The following MYO1H variants were observed in gnomAD, a reference collection of about 807,000 sequenced individuals.
MYO1H encodes the protein myosin IH.
In MYO1H, 118 loss-of-function variants were observed where a neutral mutation model predicts 149.3. The observed-to-expected ratio is 0.79, with a 90% CI of 0.68 to 0.92. The LOEUF (loss-of-function observed/expected upper bound fraction) is 0.92, where lower values mean the gene tolerates loss of function less well. Ranked by LOEUF, MYO1H falls within the 40% of genes least tolerant of loss-of-function variation. The pLI is 0.00. For synonymous variants in MYO1H, 447 were observed against 465.2 expected (o/e 0.96, Z 0.50); for missense variants, 1,212 against 1,280.7 (o/e 0.95, Z 0.82).
rs796178812 is a variant in MYO1H at position 109,413,727 on chromosome 12, T to C, written c.1502+1742T>C. On this transcript the variant is annotated intron_variant, in intron 14 of 31. Transcript: ENST00000310903. ...GAGTTCAAGACCAGCCTGACCAACA[T>C]GGTGAAACCCTGTCTCTACTAAAAA... 1.5e-4 allele frequency among the ~76,000 whole-genome samples: 23 copies of C among 152,198 alleles called. 1 individual carries two copies. Among genetic ancestry groups the C allele is most frequent in the African/African-American group, 5.5e-4 (23 of 41,528 alleles).
chr12:109,441,545 G>T, intron 25 of MYO1H, 70 bp from the exon 26 acceptor site: 2 of 982,600 alleles, frequency 2.0e-6, no homozygotes, highest in Non-Finnish European at 3.1e-6. Context: ...GACCTCAATG[G>T]GTCTAGAGCT....
chr12:109,435,573 T>G (rs1871825361), intron 21 of MYO1H, among the ~76,000 whole-genome samples: 1 of 152,154 alleles, frequency 6.6e-6, no homozygotes, highest in Non-Finnish European at 1.5e-5. Context: ...GAGCGTCTCT[T>G]TTGAAATGTA....
At chr12:109,411,905 C>T (rs1447327115) in exon 14 of MYO1H, 2 of 1,603,438 alleles carry the variant, frequency 1.2e-6, no homozygotes, top group Non-Finnish European at 1.7e-6. Flanking sequence ...ATGAAGAATG[C>T]ATTCGGCCTG....
chr12:109,431,451 C>T (rs1269435328), intron 19 of MYO1H, among the ~76,000 whole-genome samples: 2 of 152,174 alleles, frequency 1.3e-5, no homozygotes, highest in African/African-American at 4.8e-5. Flanking sequence ...ACTGCTAGCA[C>T]TCATTGAGTC....
intron 1 of MYO1H, among the ~76,000 whole-genome samples, chr12:109,360,130 A>G (rs1464965306): frequency 7.9e-6 from 1 of 126,542 alleles, no homozygotes; most frequent in South Asian, 2.5e-4. Flanking sequence ...TTTTTTTTTT[A>G]TTTCCTGGAT....
the MYO1H span, among the ~76,000 whole-genome samples, chr12:109,318,972 G>GTTTTTTTTTTTTTTTTTTTTTTTTT: frequency 3.2e-4 from 25 of 77,258 alleles, no homozygotes; most frequent in East Asian, 1.0e-3. Flanking sequence ...TTTTGGTTTT[G>GTTTTTTTTTTTTTTTTTTTTTTTTT]TTTTTTTTTT....
At chr12:109,419,888 A>T (rs1332112432) in intron 15 of MYO1H, among the ~76,000 whole-genome samples, 1 of 146,736 alleles carries the variant, frequency 6.8e-6, no homozygotes, top group Non-Finnish European at 1.5e-5. Flanking sequence ...AAAAAAAAAA[A>T]AATCTGGTTT....
chr12:109,397,099 A>G (rs1263336660), intron 4 of MYO1H, among the ~76,000 whole-genome samples: 2 of 151,996 alleles, frequency 1.3e-5, no homozygotes, highest in Non-Finnish European at 2.9e-5. Context: ...AAAGTGCTGT[A>G]ATTACAGGCG....
chr12:109,384,035 T>C (rs1036489045), intron 1 of MYO1H, among the ~76,000 whole-genome samples: 1 of 152,144 alleles, frequency 6.6e-6, no homozygotes, highest in African/African-American at 2.4e-5. Context: ...CCTGCAAGGG[T>C]AAATTGTACG....
At chr12:109,349,487 A>G (rs1488937560) in intron 1 of MYO1H, among the ~76,000 whole-genome samples, 3 of 101,728 alleles carry the variant, frequency 2.9e-5, no homozygotes, top group African/African-American at 1.4e-4. Context: ...ACATAGTGTG[A>G]CCCCCCCACC....
exon 25 of MYO1H, chr12:109,440,799 G>A (rs772602203): frequency 2.4e-5 from 37 of 1,565,362 alleles, no homozygotes; most frequent in Middle Eastern, 1.7e-4. Flanking sequence ...AAGTACTGCC[G>A]CGGGATCACA....
At chr12:109,331,432 A>C in the MYO1H span, among the ~76,000 whole-genome samples, 1 of 137,460 alleles carries the variant, frequency 7.3e-6, no homozygotes, top group Non-Finnish European at 1.6e-5. Context: ...GAGATTTGGC[A>C]TGGGCCGAAT....
At chr12:109,387,857 G>A (rs1344100723) in intron 1 of MYO1H, among the ~76,000 whole-genome samples, 7 of 152,208 alleles carry the variant, frequency 4.6e-5, no homozygotes, top group African/African-American at 1.7e-4. Flanking sequence ...CTGAGCCCTG[G>A]AAGGTTGATT....
chr12:109,431,411 TAAGA>T (rs995251836), intron 19 of MYO1H, among the ~76,000 whole-genome samples: 4 of 152,044 alleles, frequency 2.6e-5, no homozygotes, highest in Admixed American at 1.3e-4. Flanking sequence ...ATAAATATAA[TAAGA>T]AAGGAAGGAG....
chr12:109,409,246 C>CTTTTTTTTTTTTTTTTTT (rs66507410), intron 10 of MYO1H, among the ~76,000 whole-genome samples: 23 of 47,842 alleles, frequency 4.8e-4, no homozygotes, highest in South Asian at 9.4e-4. Context: ...TCTTCTTCTT[C>CTTTTTTTTTTTTTTTTTT]TTTTTTTTTT....
intron 24 of MYO1H, chr12:109,440,492 C>T (rs758831220): frequency 9.1e-6 from 4 of 437,964 alleles, no homozygotes; most frequent in Non-Finnish European, 1.7e-5. Context: ...TCAGAATCTC[C>T]AGGAATCTCA....
At chr12:109,444,088 A>T in intron 28 of MYO1H, 125 bp from the exon 29 acceptor site, 2 of 763,486 alleles carry the variant, frequency 2.6e-6, no homozygotes, top group South Asian at 3.1e-5. Flanking sequence ...TATGCCCTTC[A>T]TCCTTCTGGG....
intron 1 of MYO1H, among the ~76,000 whole-genome samples, chr12:109,362,061 C>CT (rs34919935): frequency 0.24 from 36,720 of 151,996 alleles, 5,296 homozygotes; most frequent in East Asian, 0.39. Context: ...AGATTGCCTT[C>CT]TGTTTAAGTT....
Position 109,396,463 on chromosome 12 carries a change from G to C in MYO1H, c.370G>C (p.Gly124Arg), listed in dbSNP as rs755396862. ...TTTCATCCTCATTTCTGGAGAGAGT[G>C]GGGCAGGGAAAACAGAGGCCTCCAA... Residue 124 changes from glycine to arginine, a missense_variant, in exon 4 of 32, where the codon GGG (glycine) becomes CGG (arginine). Transcript: ENST00000310903. The C allele has an allele frequency of 2.1e-5, 34 of 1,613,846 alleles. No homozygotes were observed. The highest frequency in any genetic ancestry group is 1.6e-4 in the Middle Eastern group (1 of 6,084).
Sources: gnomAD v4.1 joint callset for allele counts (sites outside exome capture counted in the v4.1 genomes callset) on GRCh38, gnomAD v4.1.1 for gene constraint, MANE v1.5 for transcripts, NCBI Gene and HGNC (gene_info 2026-07-23, HGNC 2026-07-21) for gene names.